POLR1D: variants seen among roughly 807,000 people sequenced by gnomAD.
The protein encoded by POLR1D is DNA-directed RNA polymerases I and III subunit RPAC2.
In POLR1D, 8 loss-of-function variants were observed where a neutral mutation model predicts 10.8. The observed-to-expected ratio is 0.74, with a 90% CI of 0.43 to 1.33. POLR1D has a LOEUF of 1.33. Ranked by LOEUF, POLR1D falls within the 40% of genes most tolerant of loss-of-function variation. The pLI is 0.01. For missense variants in POLR1D, 152 were observed against 161.7 expected (o/e 0.94, Z 0.32); for synonymous variants, 54 against 57.2 (o/e 0.94, Z 0.25).
At chr13:27,621,001 C>A (rs1236136422), upstream of POLR1D, 1 of 152,672 alleles carries the variant, frequency 6.5e-6, no homozygotes, top group East Asian at 1.9e-4. Flanking sequence ...GGGCCAGCGG[C>A]GAGGGGACAA....
chr13:27,634,618 G>T (rs1259676802), intron 1 of POLR1D, among the ~76,000 whole-genome samples: 1 of 150,650 alleles, frequency 6.6e-6, no homozygotes, highest in Non-Finnish European at 1.5e-5. Context: ...CCAGCCTAAG[G>T]TTATATGACT....
intron 2 of POLR1D, among the ~76,000 whole-genome samples, chr13:27,659,433 CCTTTA>C (rs1956337820): frequency 6.6e-6 from 1 of 152,150 alleles, no homozygotes; most frequent in South Asian, 2.1e-4. Flanking sequence ...AGATCCAAAG[CCTTTA>C]TACGTATAGA....
In POLR1D at chr13:27,638,069, T is replaced by G. The variant is rs1257340401; in HGVS notation, c.27-10310T>G. On this transcript the variant is annotated intron_variant, in intron 1 of 2. Transcript: ENST00000399697. ...ACTACCATATGCCTCAAAGCCATGT[T>G]TGATGCCTAGAGTGTGAAAGACAGA... Among the ~76,000 whole-genome samples, 4 of 152,248 alleles carry G rather than the reference T, an allele frequency of 2.6e-5. No individual in the cohort carries two copies. The East Asian group carries it at 7.7e-4, about 29-fold the overall frequency.
chr13:27,631,838 G>A (rs1956076258), intron 1 of POLR1D, among the ~76,000 whole-genome samples: 1 of 152,080 alleles, frequency 6.6e-6, no homozygotes, highest in African/African-American at 2.4e-5. Context: ...TACCACAACA[G>A]GAAGAAGGAC....
chr13:27,639,694 C>T (rs1463160253), intron 1 of POLR1D, among the ~76,000 whole-genome samples: 1 of 152,048 alleles, frequency 6.6e-6, no homozygotes, highest in Non-Finnish European at 1.5e-5. Flanking sequence ...AAGAATTAAC[C>T]CACATTTTAA....
Position 27,621,932 on chromosome 13 carries a change from C to T in POLR1D, c.-52C>T. ...CGCCTCCGCGCCTCGCGCTATGGGA[C>T]AGAGCCCCCGATCCGCCAGCACCAC... On this transcript the variant is annotated 5_prime_UTR_variant, in exon 1 of 2. An upstream open reading frame in the 5' UTR gains an earlier in-frame stop. Coordinates refer to ENST00000302979, the MANE Select transcript of POLR1D (RefSeq NM_015972.4). The T allele has an allele frequency of 3.8e-6, 6 of 1,565,168 alleles. No homozygotes were observed. The highest frequency in any genetic ancestry group is 2.3e-5 in the East Asian group (1 of 43,156).
At chr13:27,640,360 G>T (rs1266517237) in intron 1 of POLR1D, among the ~76,000 whole-genome samples, 1 of 152,168 alleles carries the variant, frequency 6.6e-6, no homozygotes, top group Admixed American at 6.5e-5. Context: ...TTAAATATGT[G>T]AAGATTGTAC....
intron 2 of POLR1D, among the ~76,000 whole-genome samples, chr13:27,654,440 T>A (rs1566151506): frequency 1.3e-5 from 2 of 152,206 alleles, no homozygotes; most frequent in East Asian, 1.9e-4. Flanking sequence ...AGATCAGTCT[T>A]TTAAGTGTCA....
At chr13:27,635,299 C>T (rs1956111957) in intron 1 of POLR1D, among the ~76,000 whole-genome samples, 1 of 152,032 alleles carries the variant, frequency 6.6e-6, no homozygotes, top group Non-Finnish European at 1.5e-5. Flanking sequence ...CTATATTGTG[C>T]TAAAGCAGTA....
chr13:27,621,656 C>T (rs1413971702), upstream of POLR1D: 2 of 193,426 alleles, frequency 1.0e-5, no homozygotes, highest in East Asian at 2.7e-4. Flanking sequence ...CCGGGGCGCC[C>T]GCAGGCCTGT....
intron 2 of POLR1D, among the ~76,000 whole-genome samples, chr13:27,653,445 T>C (rs1316086744): frequency 2.0e-5 from 3 of 152,284 alleles, no homozygotes; most frequent in Admixed American, 6.5e-5. Context: ...CAAAGTAAGA[T>C]ACTCCAGATT....
chr13:27,626,864 G>GT (rs1261751799), downstream of POLR1D, among the ~76,000 whole-genome samples: 4 of 152,242 alleles, frequency 2.6e-5, no homozygotes, highest in Non-Finnish European at 2.9e-5. Flanking sequence ...ACTCTAATTA[G>GT]TTGGCATAAT....
upstream of POLR1D, chr13:27,621,359 C>G (rs1207222094): frequency 6.6e-6 from 1 of 152,414 alleles, no homozygotes; most frequent in Non-Finnish European, 1.5e-5. Flanking sequence ...CTGCAAGCTC[C>G]CCGGTGAAAC....
At chr13:27,650,096 T>C in intron 2 of POLR1D, 1 of 398,362 alleles carries the variant, frequency 2.5e-6, no homozygotes, top group Non-Finnish European at 4.4e-6. Context: ...ACACAAAGAT[T>C]AAAGCCACTG....
chr13:27,654,883 C>T (rs1956294983), intron 2 of POLR1D, among the ~76,000 whole-genome samples: 1 of 152,174 alleles, frequency 6.6e-6, no homozygotes, highest in Non-Finnish European at 1.5e-5. Flanking sequence ...GTTGCTTTTG[C>T]ACCATCAGTG....
chr13:27,659,186 T>C (rs914641602), intron 2 of POLR1D, among the ~76,000 whole-genome samples: 7 of 152,228 alleles, frequency 4.6e-5, no homozygotes, highest in Admixed American at 1.3e-4. Context: ...TTTATTTATA[T>C]AAATATTCAC....
chr13:27,639,017 A>C (rs1396584109), intron 1 of POLR1D, among the ~76,000 whole-genome samples: 2 of 151,776 alleles, frequency 1.3e-5, no homozygotes, highest in Middle Eastern at 3.4e-3. Flanking sequence ...TGAGAGTCTG[A>C]ATTTTATTTT....
chr13:27,654,475 T>C lies in POLR1D; in HGVS notation c.101+6022T>C, dbSNP rs1956292336. Among the ~76,000 whole-genome samples, 2 of 152,240 alleles carry C rather than the reference T, an allele frequency of 1.3e-5. 1 individual carries two copies. The highest frequency in any genetic ancestry group is 1.3e-4 in the Admixed American group (2 of 15,286). ...AAGGGAACCTGTCAAGTTCACAGTT[T>C]GCCAAAATTCTAATTTTCTTTCATC... On this transcript the variant is annotated intron_variant, in intron 2 of 2. Coordinates refer to the POLR1D transcript ENST00000399697.
chr13:27,659,354 G>T (rs1956336779), intron 2 of POLR1D, among the ~76,000 whole-genome samples: 1 of 152,186 alleles, frequency 6.6e-6, no homozygotes, highest in Admixed American at 6.5e-5. Context: ...AACCAATGAG[G>T]AGGGGAGCAA....
Sources: gnomAD v4.1 joint callset for allele counts (sites outside exome capture counted in the v4.1 genomes callset) on GRCh38, gnomAD v4.1.1 for gene constraint, MANE v1.5 for transcripts, NCBI Gene and HGNC (gene_info 2026-07-23, HGNC 2026-07-21) for gene names.